The following ARPC5 variants were observed in gnomAD, a reference collection of about 807,000 sequenced individuals.
The protein encoded by ARPC5 is actin-related protein 2/3 complex subunit 5.
A neutral mutation model predicts 15.4 loss-of-function variants in ARPC5; 5 were observed. The ratio of observed to expected loss-of-function variants is 0.32; its 90% CI spans 0.17 to 0.68. The LOEUF is 0.68. Ranked by LOEUF, ARPC5 falls within the 30% of genes least tolerant of loss-of-function variation. The pLI is 0.71. For missense variants in ARPC5, 138 were observed against 192.8 expected (o/e 0.72, Z 1.68); for synonymous variants, 85 against 72.2 (o/e 1.18, Z -0.90).
chr1:183,635,467 G>C (rs1258091118), intron 1 of ARPC5, 50 bp downstream of exon 1: 1 of 1,548,182 alleles, frequency 6.5e-7, no homozygotes, highest in Non-Finnish European at 8.7e-7. Context: ...CCCAGGAGAA[G>C]GGCGGGCTGG....
chr1:183,633,847 G>T (rs866712470), intron 1 of ARPC5: 4 of 152,202 alleles, frequency 2.6e-5, no homozygotes, highest in African/African-American at 9.7e-5. Context: ...GCAAGCATGA[G>T]AAACAGAAGG....
In ARPC5 at chr1:183,635,374, G is replaced by A; in HGVS notation, c.143+143C>T. 6 of 998,598 alleles carry A rather than the reference G, an allele frequency of 6.0e-6. 1 individual carries two copies. The highest frequency in any genetic ancestry group is 8.4e-6 in the Non-Finnish European group (6 of 718,244). The allele number at this position is 998,598 out of a possible 1,614,324, so 61.9% of individuals were successfully genotyped here. A position where few individuals can be genotyped will look rare whatever the true frequency, so the allele number is the denominator to read the frequency against. ...CTTCCCCCTTGCCCTCTCAGAGCGG[G>A]CGATCCCAAAGAGACAGGTTAAGCC... is the stretch of plus-strand genomic sequence containing the variant. On this transcript the variant is annotated intron_variant, in intron 1 of 3. Coordinates refer to ENST00000359856, the MANE Select transcript of ARPC5 (RefSeq NM_005717.4).
chr1:183,632,441 AAGTC>A (rs1462889751), intron 2 of ARPC5: 3 of 152,240 alleles, frequency 2.0e-5, no homozygotes, highest in African/African-American at 7.2e-5. Flanking sequence ...AGGAAAAAAA[AAGTC>A]AGTCTAAATA....
rs1010561899 is a variant in ARPC5, at chr1:183,627,507, G to A, written c.*25C>T. On this transcript the variant is annotated 3_prime_UTR_variant, in exon 4 of 4. Transcript: ENST00000359856. Reference sequence around the variant, plus strand: ...TTGTACCAGCAATTCCCACTCCCGAGGCAGATAATCCACTTCCTGCCAGAC... The same window carrying A: ...TTGTACCAGCAATTCCCACTCCCGAAGCAGATAATCCACTTCCTGCCAGAC... The A allele has an allele frequency of 6.2e-7, 1 of 1,609,130 alleles. No individual in the cohort carries two copies. The highest frequency in any genetic ancestry group is 8.5e-7 in the Non-Finnish European group (1 of 1,175,674).
In ARPC5 at chr1:183,635,738, C is replaced by A; in HGVS notation, c.-79G>T. The A allele has an allele frequency of 1.3e-6, 2 of 1,540,560 alleles. No homozygotes were observed. Among genetic ancestry groups the A allele is most frequent in the Non-Finnish European group, 1.8e-6 (2 of 1,140,602 alleles). On this transcript the variant is annotated 5_prime_UTR_variant, in exon 1 of 4. Transcript: ENST00000359856. ...AAGCCCAGCCCAGCAACCCACTACC[C>A]GGCGCCTGATTCACTTCCCTCTTCC...
In ARPC5 at chr1:183,623,438, G is replaced by C. The variant is rs1648993080; in HGVS notation, c.*4094C>G. 36 of 1,550,416 alleles carry C rather than the reference G, an allele frequency of 2.3e-5. No homozygotes were observed. The highest frequency in any genetic ancestry group is 3.1e-5 in the Non-Finnish European group (35 of 1,146,930). Reference sequence around the variant, plus strand: ...TGCTGTACCTCTGTGGGCTTCCCGGGCCTCCTCCATATCTGGAATCATACA... The same window carrying C: ...TGCTGTACCTCTGTGGGCTTCCCGGCCCTCCTCCATATCTGGAATCATACA... On this transcript the variant is annotated 3_prime_UTR_variant, in exon 4 of 4. Transcript: ENST00000359856.
chr1:183,628,104 C>T (rs1397125511), intron 3 of ARPC5, among the ~76,000 whole-genome samples: 4 of 129,800 alleles, frequency 3.1e-5, no homozygotes, highest in Admixed American at 9.8e-5. Context: ...ACCCAGGAGG[C>T]GGAGCTTGCA....
Position 183,635,543 on chromosome 1 carries a change from C to T in ARPC5, c.117G>A (p.Glu39=), listed in dbSNP as rs537318333. ...DGGDGQAGPD[E]GEVDSCLRQG... Reference sequence around the variant, plus strand: ...GCCGCAGGCAGGAGTCCACCTCGCCCTCGTCGGGCCCGGCCTGGCCGTCGC... The same window carrying T: ...GCCGCAGGCAGGAGTCCACCTCGCCTTCGTCGGGCCCGGCCTGGCCGTCGC... Residue 39 remains glutamate, a synonymous_variant, in exon 1 of 4, where the codon GAG becomes GAA. Coordinates refer to ENST00000359856, the MANE Select transcript of ARPC5 (RefSeq NM_005717.4). 2 of 1,612,928 alleles carry T rather than the reference C, an allele frequency of 1.2e-6. No individual in the cohort carries two copies. The highest frequency in any genetic ancestry group is 2.2e-5 in the South Asian group (2 of 90,936).
At chr1:183,628,773 G>A (rs747159889) in intron 3 of ARPC5, among the ~76,000 whole-genome samples, 15 of 152,350 alleles carry the variant, frequency 9.8e-5, no homozygotes, top group Non-Finnish European at 2.1e-4. Context: ...GTATGGAGGT[G>A]TGAAACAATA....
In ARPC5 at chr1:183,633,132, G is replaced by C; in HGVS notation, c.166C>G (p.Gln56Glu). 1 of 1,602,898 alleles carries C rather than the reference G, an allele frequency of 6.2e-7. No homozygotes were observed. Among genetic ancestry groups the C allele is most frequent in the Non-Finnish European group, 8.5e-7 (1 of 1,175,834 alleles). Residue 56 changes from glutamine to glutamate, a missense_variant, in exon 2 of 4, where the codon CAG becomes GAG. Coordinates refer to ENST00000359856, the MANE Select transcript of ARPC5 (RefSeq NM_005717.4). ...LRQGNMTAAL[Q>E]AALKNPPINT... ...ATAGGGGGGTTCTTCAGAGCTGCCT[G>C]TAGGGCAGCTGTCATGTTTCCTGTG...
At position 183,621,734 on chromosome 1, in the gene ARPC5, T is replaced by G. The variant is rs1445731597; in HGVS notation, c.*5798A>C. ...AACTTCCTGATGTTGCCATGGCATT[T>G]GTAAACTGTCATGGTGCCGGTGGGA... On this transcript the variant is annotated 3_prime_UTR_variant, in exon 4 of 4. Coordinates refer to ENST00000359856, the MANE Select transcript of ARPC5 (RefSeq NM_005717.4). 2.0e-5 allele frequency: 3 copies of G among 152,248 alleles called. No homozygotes were observed. Among genetic ancestry groups the G allele is most frequent in the Non-Finnish European group, 4.4e-5 (3 of 68,052 alleles). The allele number at this position is 152,248 out of a possible 1,614,324, so 9.4% of individuals were successfully genotyped here.
At chr1:183,631,417 T>G (rs1173798073) in intron 2 of ARPC5, 1 of 151,754 alleles carries the variant, frequency 6.6e-6, no homozygotes, top group Non-Finnish European at 1.5e-5. Flanking sequence ...CTGTCTCTAC[T>G]AAAAATACAG....
intron 1 of ARPC5, 160 bp from the exon 2 acceptor site, chr1:183,633,314 G>C (rs1216680491): frequency 1.2e-5 from 6 of 514,028 alleles, no homozygotes; most frequent in Non-Finnish European, 1.4e-5. Context: ...GTTAATCAAA[G>C]GCAAAATATC....
intron 2 of ARPC5, chr1:183,632,305 C>T (rs563078450): frequency 7.2e-5 from 11 of 152,118 alleles, no homozygotes; most frequent in African/African-American, 2.7e-4. Context: ...GGCAATTTGG[C>T]AATACTGCAT....
At chr1:183,628,427 A>T (rs1452446461) in intron 3 of ARPC5, among the ~76,000 whole-genome samples, 1 of 152,198 alleles carries the variant, frequency 6.6e-6, no homozygotes, top group Non-Finnish European at 1.5e-5. Context: ...GAGAGTAATG[A>T]TCAAGTATTA....
rs370723137 is a variant in ARPC5 at position 183,635,655 on chromosome 1, G to A, written c.5C>T (p.Ser2Leu). The change falls in exon 1 of 4, where the codon TCG becomes TTG. Residue 2 changes from serine to leucine, a missense_variant. This residue lies in a region of ARPC5 where 14 missense variants were observed against 16.2 expected (regional missense o/e 0.87). Coordinates refer to ENST00000359856, the MANE Select transcript of ARPC5 (RefSeq NM_005717.4). M[S>L]KNTVSSARFR... is the part of the protein sequence containing the mutation. Reference sequence around the variant, plus strand: ...GCGGGCCGACGACACTGTGTTCTTCGACATCCCAATCCCGACCAGCGGCAA... The same window carrying A: ...GCGGGCCGACGACACTGTGTTCTTCAACATCCCAATCCCGACCAGCGGCAA... 1 of 1,611,744 alleles carries A rather than the reference G, an allele frequency of 6.2e-7. No individual in the cohort carries two copies. The highest frequency in any genetic ancestry group is 8.5e-7 in the Non-Finnish European group (1 of 1,178,994).
At position 183,621,669 on chromosome 1, in the gene ARPC5, GT is replaced by G. The variant is rs1185904006; in HGVS notation, c.*5862del. Reference sequence around the variant, plus strand: ...TTCTTGATGATATGCTAAACAAGGGGTGTATTATTCATGCCTCCCCTTTTTA... The same window carrying G: ...TTCTTGATGATATGCTAAACAAGGGGGTATTATTCATGCCTCCCCTTTTTA... On this transcript the variant is annotated 3_prime_UTR_variant, in exon 4 of 4. Coordinates refer to ENST00000359856, the MANE Select transcript of ARPC5 (RefSeq NM_005717.4). The G allele has an allele frequency of 6.6e-6, 1 of 152,210 alleles. No homozygotes were observed. The highest frequency in any genetic ancestry group is 1.5e-5 in the Non-Finnish European group (1 of 68,042). 9.4% of individuals were successfully genotyped at this position (152,210 alleles called of 1,614,324 possible). A position where few individuals can be genotyped will look rare whatever the true frequency, so the allele number is the denominator to read the frequency against.
At chr1:183,628,201 A>AAAAC (rs1491059954) in intron 3 of ARPC5, among the ~76,000 whole-genome samples, 4 of 148,762 alleles carry the variant, frequency 2.7e-5, no homozygotes, top group African/African-American at 1.0e-4. Flanking sequence ...AAAAAAAAAA[A>AAAAC]ATCTGCAGCA....
At position 183,627,496 on chromosome 1, in the gene ARPC5, C is replaced by T. The variant is rs370045072; in HGVS notation, c.*36G>A. On this transcript the variant is annotated 3_prime_UTR_variant, in exon 4 of 4. Transcript: ENST00000359856. ...TGTTTTGGTCTTTGTACCAGCAATTCCCACTCCCGAGGCAGATAATCCACT... is the reference window on the plus strand; with the variant it reads ...TGTTTTGGTCTTTGTACCAGCAATTTCCACTCCCGAGGCAGATAATCCACT... The T allele has an allele frequency of 1.3e-6, 2 of 1,598,118 alleles. No individual in the cohort carries two copies. Among genetic ancestry groups the T allele is most frequent in the African/African-American group, 1.3e-5 (1 of 74,616 alleles).
Sources: allele counts gnomAD v4.1 joint callset (sites outside exome capture counted in the v4.1 genomes callset), GRCh38; gene constraint gnomAD v4.1.1; regional missense constraint gnomAD v4.1.1; transcripts MANE v1.5; gene names NCBI Gene and HGNC (gene_info 2026-07-23, HGNC 2026-07-21).